ARK2C: variants seen among roughly 807,000 people sequenced by gnomAD.
The protein encoded by ARK2C is E3 ubiquitin-protein ligase ARK2C.
the ARK2C span, chr18:46,447,754 C>A: frequency 2.4e-5 from 38 of 1,599,624 alleles, no homozygotes; most frequent in Non-Finnish European, 3.1e-5. Flanking sequence ...CTGAGGCCTG[C>A]GGTCCCCTGT....
At chr18:46,462,586 A>T in the ARK2C span, 1 of 152,614 alleles carries the variant, frequency 6.6e-6, no homozygotes. Flanking sequence ...TCCAGCCTGG[A>T]GCCTTGCTTT....
chr18:46,445,486 A>T, the ARK2C span, among the ~76,000 whole-genome samples: 1 of 152,258 alleles, frequency 6.6e-6, no homozygotes, highest in Admixed American at 6.5e-5. Context: ...ATGTATGCAG[A>T]TCTTAGTATT....
At chr18:46,384,782 C>T in the ARK2C span, among the ~76,000 whole-genome samples, 5 of 152,084 alleles carry the variant, frequency 3.3e-5, no homozygotes, top group South Asian at 4.1e-4. Context: ...TTTGGGAGAC[C>T]GAAGTGGGAG....
At chr18:46,442,170 A>AAAG in the ARK2C span, among the ~76,000 whole-genome samples, 1 of 151,660 alleles carries the variant, frequency 6.6e-6, no homozygotes, top group African/African-American at 2.4e-5. Flanking sequence ...CTCAAAAAAA[A>AAAG]AAAAAAGAAA....
chr18:46,412,564 T>C, the ARK2C span, among the ~76,000 whole-genome samples: 2 of 152,336 alleles, frequency 1.3e-5, no homozygotes, highest in African/African-American at 4.8e-5. Flanking sequence ...TGTCCAGTCA[T>C]GTGCTGATGA....
chr18:46,416,995 A>G, the ARK2C span, among the ~76,000 whole-genome samples: 2 of 152,104 alleles, frequency 1.3e-5, no homozygotes, highest in African/African-American at 2.4e-5. Context: ...CAAGGAGGGG[A>G]GAAATTGAGG....
chr18:46,455,247 T>C, the ARK2C span, among the ~76,000 whole-genome samples: 1 of 152,150 alleles, frequency 6.6e-6, no homozygotes, highest in African/African-American at 2.4e-5. Flanking sequence ...GAGTCAACAG[T>C]GGTTGACTGA....
At chr18:46,365,487 T>G in the ARK2C span, among the ~76,000 whole-genome samples, 1 of 152,176 alleles carries the variant, frequency 6.6e-6, no homozygotes, top group Non-Finnish European at 1.5e-5. Context: ...TTTCTCATTT[T>G]GTGATCTTGA....
chr18:46,410,583 G>T, the ARK2C span, among the ~76,000 whole-genome samples: 3 of 152,206 alleles, frequency 2.0e-5, no homozygotes, highest in African/African-American at 7.2e-5. Context: ...GGAAGATGCT[G>T]GCAGGACCTA....
the ARK2C span, among the ~76,000 whole-genome samples, chr18:46,410,251 C>T: frequency 6.6e-6 from 1 of 152,248 alleles, no homozygotes; most frequent in Non-Finnish European, 1.5e-5. Context: ...TGCTTCCTCT[C>T]ACCTTGGCTT....
the ARK2C span, among the ~76,000 whole-genome samples, chr18:46,407,642 G>A: frequency 5.3e-5 from 8 of 152,164 alleles, no homozygotes; most frequent in South Asian, 2.1e-4. Context: ...GACTCCAGCC[G>A]TGGCTTGCGT....
the ARK2C span, among the ~76,000 whole-genome samples, chr18:46,354,448 A>G: frequency 6.6e-5 from 10 of 152,250 alleles, no homozygotes; most frequent in Admixed American, 2.6e-4. Context: ...ACACATGATC[A>G]GGGCCCATAG....
At chr18:46,445,262 A>C in the ARK2C span, among the ~76,000 whole-genome samples, 1 of 152,200 alleles carries the variant, frequency 6.6e-6, no homozygotes, top group Non-Finnish European at 1.5e-5. Context: ...TTCTTCCAGC[A>C]GGACTAGAAT....
chr18:46,370,440 T>C, the ARK2C span, among the ~76,000 whole-genome samples: 5 of 152,108 alleles, frequency 3.3e-5, no homozygotes, highest in Admixed American at 6.5e-5. Flanking sequence ...TGAGCTGAGG[T>C]GGATGGAGGA....
chr18:46,352,337 A>T, the ARK2C span, among the ~76,000 whole-genome samples: 1 of 152,160 alleles, frequency 6.6e-6, no homozygotes, highest in Admixed American at 6.5e-5. Context: ...CACTGGCTAT[A>T]TTGGGTACAC....
the ARK2C span, among the ~76,000 whole-genome samples, chr18:46,341,687 C>T: frequency 2.0e-5 from 3 of 152,036 alleles, no homozygotes; most frequent in African/African-American, 4.8e-5. Flanking sequence ...ATGACTTGTC[C>T]CCCCCAGACT....
chr18:46,433,287 G>T, the ARK2C span: 5 of 1,610,422 alleles, frequency 3.1e-6, no homozygotes, highest in Non-Finnish European at 3.4e-6. Flanking sequence ...CCGACTTCCC[G>T]CTGGCCCACC....
chr18:46,334,340 C>A, the ARK2C span: 1 of 1,583,252 alleles, frequency 6.3e-7, no homozygotes, highest in East Asian at 2.4e-5. The surrounding 1 kb of genome is among the most constrained non-coding windows in gnomAD (Gnocchi z 4.4). Flanking sequence ...ACAGAGGTAT[C>A]GCTTTTTCCT....
the ARK2C span, among the ~76,000 whole-genome samples, chr18:46,354,429 G>T: frequency 1.3e-5 from 2 of 152,234 alleles, no homozygotes; most frequent in Admixed American, 6.5e-5. Flanking sequence ...CGAAGTGCAG[G>T]ATTGGAGAAC....
Sources: allele counts gnomAD v4.1 joint callset (sites outside exome capture counted in the v4.1 genomes callset), GRCh38; gene constraint gnomAD v4.1.1; non-coding constraint Gnocchi (gnomAD v3.1); transcripts MANE v1.5; gene names NCBI Gene and HGNC (gene_info 2026-07-23, HGNC 2026-07-21).